B3GALNT2: variants seen among roughly 807,000 people sequenced by gnomAD.
The protein encoded by B3GALNT2 is beta-1,3-N-acetylgalactosaminyltransferase 2.
A neutral mutation model predicts 61.1 loss-of-function variants in B3GALNT2; 53 were observed. That is an observed-to-expected ratio of 0.87 (90% CI 0.70 to 1.09). The LOEUF is 1.09. Ranked by LOEUF, B3GALNT2 falls within the 50% of genes least tolerant of loss-of-function variation. B3GALNT2 has a pLI of 0.00. For synonymous variants in B3GALNT2, 223 were observed against 237.4 expected (o/e 0.94, Z 0.56); for missense variants, 544 against 623.0 (o/e 0.87, Z 1.35).
intron 5 of B3GALNT2, among the ~76,000 whole-genome samples, chr1:235,475,576 C>T (rs1050230110): frequency 6.6e-6 from 1 of 152,086 alleles, no homozygotes; most frequent in Non-Finnish European, 1.5e-5. Context: ...TATCATTCTT[C>T]CGAGCAAACA....
At chr1:235,498,797 T>TC (rs1685448318) in intron 1 of B3GALNT2, among the ~76,000 whole-genome samples, 1 of 123,542 alleles carries the variant, frequency 8.1e-6, no homozygotes, top group South Asian at 2.8e-4. Context: ...TCAGCCAAGA[T>TC]CCCGCCACTG....
chr1:235,494,576 C>T (rs1685224746), intron 2 of B3GALNT2, 105 bp downstream of exon 2: 7 of 1,258,700 alleles, frequency 5.6e-6, no homozygotes, highest in Non-Finnish European at 7.7e-6. Context: ...TCCACCTCAG[C>T]CTCCCCGGTA....
At chr1:235,440,537 C>T in the B3GALNT2 span, among the ~76,000 whole-genome samples, 6 of 152,056 alleles carry the variant, frequency 3.9e-5, no homozygotes, top group African/African-American at 1.2e-4. Flanking sequence ...GGATTACAGG[C>T]GTCTGCCACC....
At chr1:235,500,964 A>C (rs1685554225) in intron 1 of B3GALNT2, among the ~76,000 whole-genome samples, 1 of 152,202 alleles carries the variant, frequency 6.6e-6, no homozygotes, top group Non-Finnish European at 1.5e-5. Flanking sequence ...TACTTGCTCT[A>C]CATCTGTTTC....
chr1:235,485,543 G>A (rs905070518), intron 3 of B3GALNT2, among the ~76,000 whole-genome samples: 1 of 152,056 alleles, frequency 6.6e-6, no homozygotes, highest in Non-Finnish European at 1.5e-5. Flanking sequence ...CAATCCTCCC[G>A]CCTCAGCCTC....
At chr1:235,474,981 ATATATATTTT>A (rs1415510808) in intron 5 of B3GALNT2, among the ~76,000 whole-genome samples, 44 of 37,422 alleles carry the variant, frequency 1.2e-3, no homozygotes, top group Non-Finnish European at 1.5e-3. Context: ...ATATATATAT[ATATATATTTT>A]TTTTTTTTTT....
At chr1:235,495,566 A>G (rs1248200242) in intron 1 of B3GALNT2, among the ~76,000 whole-genome samples, 1 of 152,172 alleles carries the variant, frequency 6.6e-6, no homozygotes, top group Non-Finnish European at 1.5e-5. Flanking sequence ...TAATAAAGTA[A>G]GTCATTCTGA....
In B3GALNT2 at chr1:235,447,582, C is replaced by T. The variant is rs1572462669; in HGVS notation, c.*2624G>A. On this transcript the variant is annotated 3_prime_UTR_variant, in exon 12 of 12. Coordinates refer to ENST00000366600, the MANE Select transcript of B3GALNT2 (RefSeq NM_152490.5). ...CCTTGTAGATCATTTAGTTGGCACC[C>T]TAATTTTACAGAGGGGGAACTAAGG... 6.6e-6 allele frequency among the ~76,000 whole-genome samples: 1 copy of T among 152,096 alleles called. No individual in the cohort carries two copies. Among genetic ancestry groups the T allele is most frequent in the African/African-American group, 2.4e-5 (1 of 41,418 alleles).
intron 1 of B3GALNT2, among the ~76,000 whole-genome samples, chr1:235,495,490 C>A (rs1302907253): frequency 6.6e-6 from 1 of 151,820 alleles, no homozygotes; most frequent in Non-Finnish European, 1.5e-5. Flanking sequence ...AAACCTTTCA[C>A]TACCTACAAA....
At chr1:235,478,757 T>C (rs537278890) in intron 5 of B3GALNT2, among the ~76,000 whole-genome samples, 2 of 152,248 alleles carry the variant, frequency 1.3e-5, no homozygotes, top group South Asian at 2.1e-4. Flanking sequence ...GTTCGTGATA[T>C]GTTAAAGTAA....
Position 235,474,991 on chromosome 1 carries a change from T to G in B3GALNT2, c.652-4031A>C, listed in dbSNP as rs866374753. On this transcript the variant is annotated intron_variant, in intron 5 of 11. Coordinates refer to ENST00000366600, the MANE Select transcript of B3GALNT2 (RefSeq NM_152490.5). Reference sequence around the variant, plus strand: ...TATATATATATATATATATATATTTTTTTTTTTTTTTTTTTTTTTGAGACG... The same window carrying G: ...TATATATATATATATATATATATTTGTTTTTTTTTTTTTTTTTTTGAGACG... Among the ~76,000 whole-genome samples the G allele has an allele frequency of 2.3e-3, 120 of 51,732 alleles. 4 individuals are homozygous for G. Among genetic ancestry groups the G allele is most frequent in the African/African-American group, 0.012 (117 of 9,628 alleles). 33.9% of individuals were successfully genotyped at this position (51,732 alleles called of 152,430 possible).
chr1:235,474,993 T>A (rs867081547), intron 5 of B3GALNT2, among the ~76,000 whole-genome samples: 96 of 72,928 alleles, frequency 1.3e-3, no homozygotes, highest in Non-Finnish European at 1.5e-3. Context: ...ATATATTTTT[T>A]TTTTTTTTTT....
rs894643475 is a variant in B3GALNT2 at position 235,478,912 on chromosome 1, CCT to C, written c.651+1140_651+1141del. ...ATCTGCATTTTCCTTTTTTTCCACC[CCT>C]GTTTTAGTTTGGCTTTTATTTAAAA... On this transcript the variant is annotated intron_variant, in intron 5 of 11. Transcript: ENST00000366600. 7.9e-5 allele frequency: 12 copies of C among 152,066 alleles called. No individual in the cohort carries two copies. The East Asian group carries it at 9.7e-4, about 12-fold the overall frequency. The allele number at this position is 152,066 out of a possible 1,614,324, so 9.4% of individuals were successfully genotyped here. A position where few individuals can be genotyped will look rare whatever the true frequency, so the allele number is the denominator to read the frequency against.
At position 235,494,737 on chromosome 1, in the gene B3GALNT2, G is replaced by A. The variant is rs1057182171; in HGVS notation, c.204C>T (p.Asn68=). Residue 68 remains asparagine, a synonymous_variant, in exon 2 of 12, where the codon AAC becomes AAT. Transcript: ENST00000366600. ...GTCTCATCCAGGTGCTTCTTATCAC[G>A]TTTCGAAGTTCATGGTTATTGCGAG... The part of the protein sequence containing the change: ...LSARNNHELR[N]VIRSTWMRHL... 18 of 1,612,756 alleles carry A rather than the reference G, an allele frequency of 1.1e-5. No homozygotes were observed. The highest frequency in any genetic ancestry group is 1.7e-5 in the Admixed American group (1 of 59,986).
chr1:235,477,967 A>G (rs1684366086), intron 5 of B3GALNT2, among the ~76,000 whole-genome samples: 1 of 152,206 alleles, frequency 6.6e-6, no homozygotes, highest in Non-Finnish European at 1.5e-5. Flanking sequence ...AGAGGAGGAA[A>G]TAGACACAGT....
intron 1 of B3GALNT2, among the ~76,000 whole-genome samples, chr1:235,498,843 C>CAAAAAAAAAAAAAAAAAAAAAAAA (rs57291873): frequency 1.6e-5 from 1 of 64,118 alleles, no homozygotes; most frequent in Admixed American, 2.7e-4. Context: ...GACTCCTTCT[C>CAAAAAAAAAAAAAAAAAAAAAAAA]AAAAAAAAAA....
chr1:235,443,422 G>A (rs930681091), downstream of B3GALNT2, among the ~76,000 whole-genome samples: 5 of 151,972 alleles, frequency 3.3e-5, no homozygotes, highest in Non-Finnish European at 5.9e-5. Flanking sequence ...GGCTGGTCTC[G>A]AATTCCTGAG....
chr1:235,477,575 C>G (rs1684345367), intron 5 of B3GALNT2, among the ~76,000 whole-genome samples: 1 of 149,590 alleles, frequency 6.7e-6, no homozygotes, highest in Non-Finnish European at 1.5e-5. Context: ...GTTTCTCAAC[C>G]TCAGCACCAA....
chr1:235,453,362 G>A (rs1380874269), intron 10 of B3GALNT2, among the ~76,000 whole-genome samples: 1 of 152,070 alleles, frequency 6.6e-6, no homozygotes, highest in African/African-American at 2.4e-5. Context: ...GAAACCGCGA[G>A]CAGACGACCC....
Sources: gnomAD v4.1 joint callset for allele counts (sites outside exome capture counted in the v4.1 genomes callset) on GRCh38, gnomAD v4.1.1 for gene constraint, MANE v1.5 for transcripts, NCBI Gene and HGNC (gene_info 2026-07-23, HGNC 2026-07-21) for gene names.